DGKB: variants seen among roughly 807,000 people sequenced by gnomAD.
DGKB encodes diacylglycerol kinase beta.
DGKB carries 67 observed loss-of-function variants against 114.3 expected under a neutral mutation model. The ratio of observed to expected loss-of-function variants is 0.59; its 90% CI spans 0.48 to 0.72. The LOEUF (loss-of-function observed/expected upper bound fraction) is 0.72. Among genes scored for constraint, DGKB ranks in the 30% least tolerant of loss-of-function variants. DGKB has a pLI of 0.00. For missense variants in DGKB, 907 were observed against 975.2 expected (o/e 0.93, Z 0.93); for synonymous variants, 398 against 323.1 (o/e 1.23, Z -2.49).
chr7:14,321,746 G>A (rs962242277), intron 23 of DGKB, among the ~76,000 whole-genome samples: 5 of 152,064 alleles, frequency 3.3e-5, no homozygotes, highest in African/African-American at 1.2e-4. Context: ...AGAAAGCTGT[G>A]TATTTTGGTA....
At chr7:14,958,455 A>ACACACACT (rs1786646068) in intron 1 of DGKB, among the ~76,000 whole-genome samples, 2 of 151,390 alleles carry the variant, frequency 1.3e-5, no homozygotes, top group East Asian at 3.9e-4. Flanking sequence ...ACACACACAC[A>ACACACACT]CACACACACA....
At chr7:14,903,518 G>A (rs1293278500), upstream of DGKB, among the ~76,000 whole-genome samples, 3 of 152,054 alleles carry the variant, frequency 2.0e-5, no homozygotes, top group Non-Finnish European at 4.4e-5. Context: ...TATGATACCC[G>A]TCTCCCCTCT....
At chr7:14,677,684 AAC>A (rs1820109698) in intron 12 of DGKB, among the ~76,000 whole-genome samples, 2 of 152,046 alleles carry the variant, frequency 1.3e-5, no homozygotes, top group South Asian at 2.1e-4. Context: ...AGGTCAAGAA[AAC>A]ACAGTTTCAG....
At chr7:14,658,292 A>G (rs969028195) in intron 13 of DGKB, among the ~76,000 whole-genome samples, 1 of 151,966 alleles carries the variant, frequency 6.6e-6, no homozygotes, top group African/African-American at 2.4e-5. Flanking sequence ...GGAGGTCAAT[A>G]TGATAGGTGA....
intron 2 of DGKB, among the ~76,000 whole-genome samples, chr7:14,826,499 A>G (rs1268777710): frequency 6.6e-6 from 1 of 152,020 alleles, no homozygotes; most frequent in Non-Finnish European, 1.5e-5. Flanking sequence ...TTCTATTTGC[A>G]TTCCTGTTGG....
rs181588285 is a variant in DGKB at position 14,356,489 on chromosome 7, G to C, written c.1836-11098C>G. Among the ~76,000 whole-genome samples, 38 of 150,902 alleles carry C rather than the reference G, an allele frequency of 2.5e-4. No homozygotes were observed. The East Asian group carries it at 6.9e-3, about 27-fold the overall frequency. Reference sequence around the variant, plus strand: ...CCATTCTCTTGCCTCAGCCTCCCGAGTAGCTGGGACTACAGGTGCCTGCAA... The same window carrying C: ...CCATTCTCTTGCCTCAGCCTCCCGACTAGCTGGGACTACAGGTGCCTGCAA... On this transcript the variant is annotated intron_variant, in intron 21 of 25. Transcript: ENST00000402815.
In DGKB at chr7:14,476,151, A is replaced by G. The variant is rs951418188; in HGVS notation, c.1835+2010T>C. ...ATAAACTTCTTTATGAATATAACTT[A>G]AATAATATATATGAATATAAATATG... On this transcript the variant is annotated intron_variant, in intron 21 of 25. Coordinates refer to ENST00000402815, the MANE Select transcript of DGKB (RefSeq NM_001350709.2). Among the ~76,000 whole-genome samples the G allele has an allele frequency of 1.1e-4, 16 of 151,976 alleles. No homozygotes were observed. In the East Asian group the frequency reaches 2.9e-3, roughly 28 times the overall value.
intron 23 of DGKB, among the ~76,000 whole-genome samples, chr7:14,291,081 G>A (rs1027133827): frequency 4.9e-5 from 7 of 142,086 alleles, no homozygotes; most frequent in African/African-American, 1.9e-4. Context: ...GGCAGAGGTT[G>A]CAGTGAGCCG....
intron 21 of DGKB, among the ~76,000 whole-genome samples, chr7:14,450,867 C>T (rs1278652995): frequency 6.6e-6 from 1 of 151,932 alleles, no homozygotes; most frequent in African/African-American, 2.4e-5. Flanking sequence ...CTCAAAAATG[C>T]TGAGAGAATG....
chr7:14,750,171 CAT>C (rs771455501), intron 4 of DGKB: 2 of 518,160 alleles, frequency 3.9e-6, no homozygotes, highest in South Asian at 1.4e-5. Context: ...ACACTGAAGA[CAT>C]AAATATTTCT....
intron 20 of DGKB, among the ~76,000 whole-genome samples, chr7:14,494,484 G>C (rs2128939877): frequency 6.6e-6 from 1 of 151,954 alleles, no homozygotes; most frequent in South Asian, 2.1e-4. Flanking sequence ...GCAAATATAA[G>C]AATACAAATT....
intron 20 of DGKB, among the ~76,000 whole-genome samples, chr7:14,564,513 CTA>C (rs1346001757): frequency 2.0e-5 from 3 of 152,114 alleles, no homozygotes; most frequent in African/African-American, 7.2e-5. Context: ...ATTTCTGAAG[CTA>C]TATGTTTGTC....
chr7:14,263,241 T>C (rs1225006365), intron 23 of DGKB, among the ~76,000 whole-genome samples: 1 of 152,184 alleles, frequency 6.6e-6, no homozygotes, highest in Non-Finnish European at 1.5e-5. Context: ...CAGGTAGTAT[T>C]ACTACGATTG....
chr7:14,774,976 G>A (rs1455706635), intron 2 of DGKB, among the ~76,000 whole-genome samples: 2 of 151,990 alleles, frequency 1.3e-5, no homozygotes, highest in Admixed American at 6.6e-5. Flanking sequence ...AATTAAAAAT[G>A]CCCATTTCAT....
At chr7:14,621,293 G>T in intron 15 of DGKB, 85 bp downstream of exon 15, 1 of 753,464 alleles carries the variant, frequency 1.3e-6, no homozygotes, top group Non-Finnish European at 2.3e-6. Context: ...TTAAACAAAT[G>T]TGTTGATAGC....
intron 1 of DGKB, among the ~76,000 whole-genome samples, chr7:14,962,907 A>G (rs548182420): frequency 6.6e-6 from 1 of 152,226 alleles, no homozygotes; most frequent in Non-Finnish European, 1.5e-5. Context: ...AACTATATTG[A>G]CTCATTAATT....
intron 4 of DGKB, among the ~76,000 whole-genome samples, chr7:14,743,842 TC>T (rs1832897455): frequency 6.6e-6 from 1 of 152,110 alleles, no homozygotes; most frequent in African/African-American, 2.4e-5. Context: ...CTTCTTTTGA[TC>T]CCCTTCAAAA....
intron 20 of DGKB, among the ~76,000 whole-genome samples, chr7:14,544,469 A>G (rs147178634): frequency 6.6e-6 from 1 of 152,284 alleles, no homozygotes; most frequent in Non-Finnish European, 1.5e-5. Flanking sequence ...GTGCTATAGA[A>G]ATTTAAATCT....
intron 18 of DGKB, among the ~76,000 whole-genome samples, chr7:14,581,599 A>T (rs570015666): frequency 6.6e-6 from 1 of 152,314 alleles, no homozygotes; most frequent in Non-Finnish European, 1.5e-5. Flanking sequence ...CTGACATCCC[A>T]TATGCTTTGG....
Sources: gnomAD v4.1 joint callset for allele counts (sites outside exome capture counted in the v4.1 genomes callset) on GRCh38, gnomAD v4.1.1 for gene constraint, MANE v1.5 for transcripts, NCBI Gene and HGNC (gene_info 2026-07-23, HGNC 2026-07-21) for gene names.